The following FBN2 variants were observed in gnomAD, a reference collection of about 807,000 sequenced individuals.
FBN2 encodes the protein fibrillin 2, also known as fibrillin-2.
Under a neutral mutation model 355.6 loss-of-function variants are expected in FBN2, and 105 were observed. That is an observed-to-expected ratio of 0.30 (90% CI 0.25 to 0.35). The LOEUF (loss-of-function observed/expected upper bound fraction) is 0.35, where lower values mean the gene tolerates loss of function less well. Ranked by LOEUF, FBN2 falls within the 10% of genes least tolerant of loss-of-function variation. The pLI is 1.00. For missense variants in FBN2, 3,280 were observed against 3,758.7 expected (o/e 0.87, Z 3.33); for synonymous variants, 1,350 against 1,301.2 (o/e 1.04, Z -0.81).
intron 45 of FBN2, 22 bp from the exon 46 acceptor site, chr5:128,303,111 A>C: frequency 6.9e-7 from 1 of 1,448,170 alleles, no homozygotes; most frequent in Non-Finnish European, 9.7e-7. Flanking sequence ...TATAGGCTCA[A>C]AAAATTCAAT....
intron 13 of FBN2, 39 bp downstream of exon 13, chr5:128,377,713 T>G: frequency 6.2e-7 from 1 of 1,606,962 alleles, no homozygotes; most frequent in Non-Finnish European, 8.5e-7. Context: ...ATGTATATCC[T>G]TTTAAAATCT....
At chr5:128,476,126 C>T (rs1755001819) in intron 5 of FBN2, among the ~76,000 whole-genome samples, 1 of 151,942 alleles carries the variant, frequency 6.6e-6, no homozygotes, top group South Asian at 2.1e-4. Context: ...AAAAGGTGAC[C>T]ATTAGTTCAA....
chr5:128,321,838 T>C (rs1159071766), intron 34 of FBN2, among the ~76,000 whole-genome samples: 1 of 152,218 alleles, frequency 6.6e-6, no homozygotes, highest in Admixed American at 6.5e-5. Flanking sequence ...AAATGGTATT[T>C]CTGGTTCTGG....
intron 7 of FBN2, among the ~76,000 whole-genome samples, chr5:128,415,727 C>A (rs1753178780): frequency 6.6e-6 from 1 of 152,144 alleles, no homozygotes; most frequent in Non-Finnish European, 1.5e-5. Flanking sequence ...TGTAGTGGAA[C>A]TGCCAGATCA....
chr5:128,496,290 T>A (rs1755654136), intron 5 of FBN2, among the ~76,000 whole-genome samples: 1 of 151,908 alleles, frequency 6.6e-6, no homozygotes, highest in South Asian at 2.1e-4. Flanking sequence ...TTCAACAAAA[T>A]ACTAGCAAAC....
intron 37 of FBN2, 60 bp downstream of exon 37, chr5:128,312,574 A>G: frequency 1.3e-6 from 2 of 1,596,152 alleles, no homozygotes; most frequent in South Asian, 2.2e-5. Flanking sequence ...CAGGAATAAA[A>G]TGGCAACAAA....
chr5:128,357,415 G>T lies in FBN2; in HGVS notation c.2555-20C>A, dbSNP rs773419851. ...TTATATCTACAATCCAGAAGGAAAA[G>T]ATTCTGTTAGAACTGCCATGTGTTT... On this transcript the variant is annotated intron_variant, in intron 19 of 64. Transcript: ENST00000262464. The T allele has an allele frequency of 6.2e-7, 1 of 1,613,556 alleles. No homozygotes were observed. The highest frequency in any genetic ancestry group is 1.1e-5 in the South Asian group (1 of 91,070).
intron 55 of FBN2, among the ~76,000 whole-genome samples, chr5:128,282,189 A>G (rs987688541): frequency 2.6e-5 from 4 of 151,930 alleles, no homozygotes; most frequent in African/African-American, 9.7e-5. Context: ...TTCTCTCTGG[A>G]AGTTTTAAGG....
intron 6 of FBN2, among the ~76,000 whole-genome samples, chr5:128,457,803 G>A (rs1754438766): frequency 6.8e-6 from 1 of 146,414 alleles, no homozygotes; most frequent in African/African-American, 2.5e-5. Flanking sequence ...CATGAAAGAA[G>A]CACTAAATAT....
At chr5:128,440,124 G>A (rs1032547949) in intron 7 of FBN2, among the ~76,000 whole-genome samples, 9 of 151,944 alleles carry the variant, frequency 5.9e-5, no homozygotes, top group South Asian at 2.1e-4. Context: ...AAATATTTTC[G>A]CTTTATAACA....
At chr5:128,290,968 G>T in intron 49 of FBN2, 84 bp from the exon 50 acceptor site, 1 of 1,323,712 alleles carries the variant, frequency 7.6e-7, no homozygotes, top group Non-Finnish European at 1.1e-6. Flanking sequence ...AACACGGGAT[G>T]CAGACTAGAT....
At chr5:128,531,498 A>G (rs1756704829) in intron 2 of FBN2, among the ~76,000 whole-genome samples, 1 of 152,080 alleles carries the variant, frequency 6.6e-6, no homozygotes, top group African/African-American at 2.4e-5. Flanking sequence ...AATCTCACAA[A>G]TCACCACTAA....
intron 4 of FBN2, among the ~76,000 whole-genome samples, chr5:128,526,508 A>G (rs1387177138): frequency 6.6e-6 from 1 of 152,192 alleles, no homozygotes. Flanking sequence ...TGACTGGATA[A>G]ACAAAATGTG....
At chr5:128,289,405 G>A (rs988292490) in intron 51 of FBN2, among the ~76,000 whole-genome samples, 153 bp from the exon 52 acceptor site, 6 of 151,930 alleles carry the variant, frequency 3.9e-5, no homozygotes, top group Non-Finnish European at 8.8e-5. Context: ...GCAACATGGC[G>A]AAACCCCATC....
At chr5:128,269,460 A>C (rs918335965) in intron 62 of FBN2, among the ~76,000 whole-genome samples, 4 of 150,052 alleles carry the variant, frequency 2.7e-5, no homozygotes, top group African/African-American at 4.9e-5. Context: ...CTCCACCCCA[A>C]AAAAAAAACA....
At chr5:128,463,327 C>T (rs1244919409) in intron 6 of FBN2, among the ~76,000 whole-genome samples, 2 of 151,870 alleles carry the variant, frequency 1.3e-5, no homozygotes, top group Non-Finnish European at 2.9e-5. Flanking sequence ...TTTTACTATC[C>T]ATAGTAAACA....
chr5:128,367,118 T>C (rs541685834), intron 16 of FBN2, among the ~76,000 whole-genome samples: 31 of 152,308 alleles, frequency 2.0e-4, no homozygotes, highest in Admixed American at 2.0e-3. Context: ...GCAACTATCA[T>C]AAATAATATG....
At chr5:128,512,337 C>T (rs1330239733) in intron 5 of FBN2, among the ~76,000 whole-genome samples, 1 of 151,966 alleles carries the variant, frequency 6.6e-6, no homozygotes, top group Admixed American at 6.6e-5. Context: ...CGTGGCAAAA[C>T]CCCATCTCTA....
intron 55 of FBN2, among the ~76,000 whole-genome samples, chr5:128,284,342 T>C (rs1483540208): frequency 1.3e-5 from 2 of 152,162 alleles, no homozygotes; most frequent in Non-Finnish European, 2.9e-5. Flanking sequence ...GAACCTAGAT[T>C]GCTAACATTC....
Sources: allele counts gnomAD v4.1 joint callset (sites outside exome capture counted in the v4.1 genomes callset), GRCh38; gene constraint gnomAD v4.1.1; transcripts MANE v1.5; gene names NCBI Gene and HGNC (gene_info 2026-07-23, HGNC 2026-07-21).